ACAP2: variants seen among roughly 807,000 people sequenced by gnomAD.
ACAP2 encodes ArfGAP with coiled-coil, ankyrin repeat and PH domains 2.
A neutral mutation model predicts 115.8 loss-of-function variants in ACAP2; 39 were observed. The observed-to-expected ratio is 0.34, with a 90% CI of 0.26 to 0.44. ACAP2 has a LOEUF of 0.44. ACAP2 is among the 20% of genes least tolerant of loss of function. The probability of loss-of-function intolerance (pLI) is 1.00; values close to 1 mark genes in which losing one functional copy is unlikely to be tolerated. For synonymous variants in ACAP2, 289 were observed against 315.8 expected (o/e 0.92, Z 0.90); for missense variants, 662 against 927.6 (o/e 0.71, Z 3.72).
At chr3:195,377,138 CTTT>C (rs749352761) in intron 4 of ACAP2, among the ~76,000 whole-genome samples, 1,197 of 77,082 alleles carry the variant, frequency 0.016, 3 homozygotes, top group African/African-American at 0.026. Flanking sequence ...GAATGTAAAT[CTTT>C]TTTTTTTTTT....
At chr3:195,420,293 T>C (rs4677843) in intron 1 of ACAP2, among the ~76,000 whole-genome samples, 36,361 of 152,010 alleles carry the variant, frequency 0.24, 5,059 homozygotes, top group East Asian at 0.71. Flanking sequence ...ATACACACGC[T>C]TGGAGGACTT....
At position 195,302,079 on chromosome 3, in the gene ACAP2, C is replaced by A; in HGVS notation, c.1212G>T (p.Arg404=). The change falls in exon 14 of 23, where the codon CGG becomes CGT. Residue 404 remains arginine (R), a synonymous_variant. Transcript: ENST00000326793. Reference sequence around the variant, plus strand: ...TGGCATTGCCAGGGATACACTGGACCCGCTGAAGCGCACTTTCTCCTTTCA... The same window carrying A: ...TGGCATTGCCAGGGATACACTGGACACGCTGAAGCGCACTTTCTCCTTTCA... The part of the protein sequence containing the change: ...KLLKGESALQ[R]VQCIPGNASC... 1 of 1,614,162 alleles carries A rather than the reference C, an allele frequency of 6.2e-7. No individual in the cohort carries two copies. The highest frequency in any genetic ancestry group is 8.5e-7 in the Non-Finnish European group (1 of 1,180,040).
At chr3:195,312,331 A>C (rs1168775114) in intron 10 of ACAP2, among the ~76,000 whole-genome samples, 1 of 152,224 alleles carries the variant, frequency 6.6e-6, no homozygotes, top group Non-Finnish European at 1.5e-5. Flanking sequence ...AAAACAAAAA[A>C]AGGTAACGAA....
intron 10 of ACAP2, among the ~76,000 whole-genome samples, chr3:195,318,369 G>A (rs1373747324): frequency 6.6e-6 from 1 of 152,212 alleles, no homozygotes; most frequent in African/African-American, 2.4e-5. Flanking sequence ...AGTTTGGAGG[G>A]CTCAGAAGGC....
chr3:195,428,314 ACT>A (rs1419985094), intron 1 of ACAP2, among the ~76,000 whole-genome samples: 1 of 148,374 alleles, frequency 6.7e-6, no homozygotes, highest in East Asian at 2.1e-4. Flanking sequence ...ATATATATAC[ACT>A]CATATATATA....
rs1407874806 is a variant in ACAP2, at chr3:195,342,493, A to G, written c.506T>C (p.Ile169Thr). 1 of 1,608,230 alleles carries G rather than the reference A, an allele frequency of 6.2e-7. No homozygotes were observed. The highest frequency in any genetic ancestry group is 1.7e-5 in the Admixed American group (1 of 58,396). The change falls in exon 6 of 23, where the codon ATA (isoleucine) becomes ACA (threonine). Residue 169 changes from isoleucine (I) to threonine (T), a missense_variant. This residue lies in a region of ACAP2 where 401 missense variants were observed against 604.4 expected (regional missense o/e 0.66). Transcript: ENST00000326793. ...TACCTGAAGCACATAATCGAGGGCT[A>G]TGTGTCGGAAACATTTTCTTGTTGC... ...LTATRKCFRHIALDYVLQINV... is the reference protein window; with the variant it reads ...LTATRKCFRHTALDYVLQINV...
chr3:195,388,176 C>T (rs893927275), intron 2 of ACAP2, among the ~76,000 whole-genome samples: 3 of 151,826 alleles, frequency 2.0e-5, no homozygotes, highest in Non-Finnish European at 4.4e-5. Flanking sequence ...AGGCTATGCT[C>T]CCCACCCAAA....
intron 17 of ACAP2, 122 bp from the exon 18 acceptor site, chr3:195,294,933 A>T (rs1375402310): frequency 5.4e-6 from 3 of 559,652 alleles, no homozygotes; most frequent in African/African-American, 1.9e-5. Flanking sequence ...CACAAGGAGA[A>T]TGCATTTAAT....
At chr3:195,342,874 T>C (rs1730968576) in intron 5 of ACAP2, among the ~76,000 whole-genome samples, 1 of 151,964 alleles carries the variant, frequency 6.6e-6, no homozygotes, top group African/African-American at 2.4e-5. Context: ...CATGTGCCTG[T>C]AGTCCCAGTT....
intron 2 of ACAP2, among the ~76,000 whole-genome samples, chr3:195,383,186 T>C (rs1381661074): frequency 6.6e-6 from 1 of 152,048 alleles, no homozygotes; most frequent in Admixed American, 6.6e-5. Context: ...GAAAAACTGA[T>C]TCTAAAGTTC....
intron 10 of ACAP2, among the ~76,000 whole-genome samples, chr3:195,316,255 G>T (rs1729084854): frequency 6.6e-6 from 1 of 151,294 alleles, no homozygotes. Flanking sequence ...GTCAGGAAAG[G>T]CTTAGAAGAC....
chr3:195,334,728 G>A (rs546818420), intron 7 of ACAP2, among the ~76,000 whole-genome samples: 1 of 152,178 alleles, frequency 6.6e-6, no homozygotes, highest in South Asian at 2.1e-4. Flanking sequence ...AAAATGTGGA[G>A]AAATATCCAT....
intron 9 of ACAP2, among the ~76,000 whole-genome samples, chr3:195,321,122 T>C (rs1560240173): frequency 6.6e-6 from 1 of 151,274 alleles, no homozygotes; most frequent in Non-Finnish European, 1.5e-5. Flanking sequence ...ACATTGTGAT[T>C]AAAAGCACAA....
At chr3:195,335,459 T>C (rs2108634065) in intron 7 of ACAP2, among the ~76,000 whole-genome samples, 1 of 152,288 alleles carries the variant, frequency 6.6e-6, no homozygotes, top group South Asian at 2.1e-4. Context: ...TTAAAAGGCA[T>C]ATATTCAAGT....
At chr3:195,281,277 C>T (rs991828366) in intron 22 of ACAP2, among the ~76,000 whole-genome samples, 41 of 152,028 alleles carry the variant, frequency 2.7e-4, no homozygotes, top group Admixed American at 2.6e-3. Context: ...TGGTGGTGGG[C>T]GCCTGTAGTC....
intron 1 of ACAP2, among the ~76,000 whole-genome samples, chr3:195,406,065 A>G (rs1712747448): frequency 2.6e-5 from 4 of 152,184 alleles, no homozygotes; most frequent in African/African-American, 7.2e-5. Context: ...GAACCAAACC[A>G]TATCAGGTGG....
intron 7 of ACAP2, among the ~76,000 whole-genome samples, chr3:195,334,652 G>T (rs1404499594): frequency 6.6e-6 from 1 of 152,128 alleles, no homozygotes; most frequent in Non-Finnish European, 1.5e-5. Context: ...TGAATAATGA[G>T]ATCATGCTTT....
In ACAP2 at chr3:195,276,565, TTAA is replaced by T. The variant is rs1726192669; in HGVS notation, c.*2760_*2762del. On this transcript the variant is annotated 3_prime_UTR_variant, in exon 23 of 23. Coordinates refer to ENST00000326793, the MANE Select transcript of ACAP2 (RefSeq NM_012287.6). ...AAGCTAATGATAATGAGCTAACAGA[TTAA>T]TAATAAGGAATAAGAAACTAATAAT... 1 of 152,048 alleles carries T rather than the reference TTAA, an allele frequency of 6.6e-6. No individual in the cohort carries two copies. The highest frequency in any genetic ancestry group is 6.6e-5 in the Admixed American group (1 of 15,256). 9.4% of individuals were successfully genotyped at this position (152,048 alleles called of 1,614,324 possible).
intron 4 of ACAP2, among the ~76,000 whole-genome samples, chr3:195,378,812 G>C (rs1341419947): frequency 1.4e-5 from 2 of 147,560 alleles, no homozygotes; most frequent in Admixed American, 6.9e-5. Context: ...AGTGAGCCAA[G>C]ATCGCACCAC....
Sources: allele counts gnomAD v4.1 joint callset (sites outside exome capture counted in the v4.1 genomes callset), GRCh38; gene constraint gnomAD v4.1.1; regional missense constraint gnomAD v4.1.1; transcripts MANE v1.5; gene names NCBI Gene and HGNC (gene_info 2026-07-23, HGNC 2026-07-21).